Variants in HSD17B6 observed in about 807,000 individuals in gnomAD.
HSD17B6 encodes hydroxysteroid 17-beta dehydrogenase 6.
HSD17B6 carries 16 observed loss-of-function variants against 26.4 expected under a neutral mutation model. The observed-to-expected ratio is 0.61, with a 90% CI of 0.41 to 0.92. HSD17B6 has a LOEUF of 0.92. HSD17B6 is among the 40% of genes least tolerant of loss of function. The pLI, the probability that HSD17B6 is intolerant of heterozygous loss-of-function variation, is 0.00. For synonymous variants in HSD17B6, 139 were observed against 153.0 expected, an observed-to-expected ratio of 0.91 and a Z score of 0.68; for missense variants, 357 against 386.1, an observed-to-expected ratio of 0.92 and a Z score of 0.63.
intron 2 of HSD17B6, among the ~76,000 whole-genome samples, chr12:56,779,375 TG>T (rs1304129421): frequency 1.1e-4 from 17 of 152,316 alleles, no homozygotes; most frequent in Admixed American, 3.9e-4. Context: ...TGGTCTCAAG[TG>T]ATCTTAATGC....
chr12:56,770,407 ACTGT>A, intron 1 of HSD17B6: 1 of 152,262 alleles, frequency 6.6e-6, no homozygotes. Context: ...TGTGCCCTTC[ACTGT>A]CTGAGTCTTC....
At position 56,784,834 on chromosome 12, in the gene HSD17B6, T is replaced by C; in HGVS notation, c.573-19T>C. The C allele has an allele frequency of 6.2e-7, 1 of 1,609,962 alleles. No homozygotes were observed. The highest frequency in any genetic ancestry group is 2.2e-5 in the East Asian group (1 of 44,830). ...AATGGTGGTGGTCTTTAATCATAACTTGTGGGGTTTTATTTCAGGCGTGAG... is the reference window on the plus strand; with the variant it reads ...AATGGTGGTGGTCTTTAATCATAACCTGTGGGGTTTTATTTCAGGCGTGAG... On this transcript the variant is annotated intron_variant, in intron 3 of 4. Transcript: ENST00000322165.
At chr12:56,766,633 A>G (rs1470403999) in intron 1 of HSD17B6, among the ~76,000 whole-genome samples, 1 of 152,202 alleles carries the variant, frequency 6.6e-6, no homozygotes, top group Non-Finnish European at 1.5e-5. Context: ...AATGCTATTC[A>G]GGGAGTGACA....
chr12:56,781,011 G>A (rs1954705711), intron 2 of HSD17B6, among the ~76,000 whole-genome samples: 1 of 151,972 alleles, frequency 6.6e-6, no homozygotes, highest in Non-Finnish European at 1.5e-5. Flanking sequence ...CAAATCTGCT[G>A]GCAAGTATAC....
intron 1 of HSD17B6, chr12:56,770,345 G>C (rs960903689): frequency 1.3e-5 from 2 of 152,520 alleles, no homozygotes; most frequent in Non-Finnish European, 2.9e-5. Flanking sequence ...TCTCCACTCG[G>C]CTCCACTTCC....
At chr12:56,767,934 CACAT>C (rs910230798) in intron 1 of HSD17B6, among the ~76,000 whole-genome samples, 2 of 150,542 alleles carry the variant, frequency 1.3e-5, no homozygotes, top group African/African-American at 4.9e-5. Context: ...TACACACACA[CACAT>C]ATATATGTGT....
intron 1 of HSD17B6, among the ~76,000 whole-genome samples, chr12:56,765,656 C>T (rs1185514836): frequency 6.6e-6 from 1 of 150,988 alleles, no homozygotes; most frequent in Non-Finnish European, 1.5e-5. Context: ...GGACTACAGG[C>T]ACTCCCCACC....
chr12:56,785,084 G>C (rs983109123), intron 4 of HSD17B6, 68 bp downstream of exon 4: 1 of 1,429,030 alleles, frequency 7.0e-7, no homozygotes, highest in African/African-American at 1.4e-5. Context: ...CTGCTATGAA[G>C]AAATAACTGA....
At chr12:56,785,999 G>A (rs1224478861) in intron 4 of HSD17B6, 1 of 972,028 alleles carries the variant, frequency 1.0e-6, no homozygotes, top group Non-Finnish European at 1.2e-6. Flanking sequence ...TGAAAAATGG[G>A]AATGACTTCT....
chr12:56,783,625 T>C (rs1186004146), intron 3 of HSD17B6, among the ~76,000 whole-genome samples: 3 of 76,472 alleles, frequency 3.9e-5, no homozygotes, highest in Admixed American at 3.7e-4. Context: ...ACGGAGCGGC[T>C]GGCCGGGTGG....
chr12:56,780,616 T>A lies in HSD17B6; in HGVS notation c.314-1358T>A, dbSNP rs1436167438. 2.0e-5 allele frequency among the ~76,000 whole-genome samples: 3 copies of A among 152,216 alleles called. No individual in the cohort carries two copies. The East Asian group carries it at 5.8e-4, about 29-fold the overall frequency. On this transcript the variant is annotated intron_variant, in intron 2 of 4. Coordinates refer to ENST00000322165, the MANE Select transcript of HSD17B6 (RefSeq NM_003725.4). ...GCTCACATCTGTAATCCCAGCACTT[T>A]GGGAGGCCGAGGCGGGCAGATCACG...
At chr12:56,771,619 T>A in intron 1 of HSD17B6, among the ~76,000 whole-genome samples, 1 of 152,028 alleles carries the variant, frequency 6.6e-6, no homozygotes, top group Non-Finnish European at 1.5e-5. Flanking sequence ...CAATCATGCC[T>A]GGCTAATTTT....
chr12:56,787,196 C>A lies in HSD17B6; in HGVS notation c.808C>A (p.His270Asn). The A allele has an allele frequency of 6.2e-7, 1 of 1,614,218 alleles. No homozygotes were observed. The highest frequency in any genetic ancestry group is 8.5e-7 in the Non-Finnish European group (1 of 1,180,010). The change falls in exon 5 of 5, where the codon CAT becomes AAT. Residue 270 changes from histidine (H) to asparagine (N), a missense_variant. By Grantham distance (68) the His-to-Asn change is moderately conservative. Transcript: ENST00000322165. ...NLNLVTDCMEHALTSVHPRTR... is the reference protein window; with the variant it reads ...NLNLVTDCMENALTSVHPRTR... ...GAACCTGGTCACTGACTGCATGGAA[C>A]ATGCTCTGACATCGGTGCATCCGCG...
At chr12:56,782,759 C>T (rs1366289780) in intron 3 of HSD17B6, among the ~76,000 whole-genome samples, 1 of 151,042 alleles carries the variant, frequency 6.6e-6, no homozygotes, top group African/African-American at 2.4e-5. Flanking sequence ...GGTCAGCAGA[C>T]AAACAAGTGA....
At chr12:56,775,640 T>C (rs1954574697) in intron 2 of HSD17B6, among the ~76,000 whole-genome samples, 1 of 152,070 alleles carries the variant, frequency 6.6e-6, no homozygotes, top group Non-Finnish European at 1.5e-5. Flanking sequence ...TCAACAATTT[T>C]CCCTTTTTTT....
chr12:56,773,380 C>G (rs755733241), intron 1 of HSD17B6, among the ~76,000 whole-genome samples: 2 of 152,240 alleles, frequency 1.3e-5, no homozygotes, highest in African/African-American at 2.4e-5. Context: ...TGGCCCTTCA[C>G]TACCTCATCT....
At chr12:56,772,403 T>C (rs1954493552) in intron 1 of HSD17B6, among the ~76,000 whole-genome samples, 1 of 152,010 alleles carries the variant, frequency 6.6e-6, no homozygotes, top group Non-Finnish European at 1.5e-5. Context: ...ACTTAAAAGA[T>C]GAGTGTTATG....
chr12:56,772,046 T>A (rs1954485185), intron 1 of HSD17B6, among the ~76,000 whole-genome samples: 1 of 152,146 alleles, frequency 6.6e-6, no homozygotes, highest in South Asian at 2.1e-4. Context: ...GAACTGTGAA[T>A]CAATTAAACC....
chr12:56,773,057 G>C (rs557340904), intron 1 of HSD17B6, among the ~76,000 whole-genome samples: 4 of 152,210 alleles, frequency 2.6e-5, no homozygotes, highest in Middle Eastern at 3.4e-3. Context: ...GGTGGACTTT[G>C]CTCCAGAATT....
Sources: allele counts gnomAD v4.1 joint callset (sites outside exome capture counted in the v4.1 genomes callset), GRCh38; gene constraint gnomAD v4.1.1; transcripts MANE v1.5; gene names NCBI Gene and HGNC (gene_info 2026-07-23, HGNC 2026-07-21).